The following ARHGAP42 variants were observed in gnomAD, a reference collection of about 807,000 sequenced individuals.
ARHGAP42 encodes the protein Rho GTPase activating protein 42, also known as rho GTPase-activating protein 42.
Under a neutral mutation model 125.0 loss-of-function variants are expected in ARHGAP42, and 63 were observed. The ratio of observed to expected loss-of-function variants is 0.50; its 90% CI spans 0.41 to 0.62. The LOEUF (loss-of-function observed/expected upper bound fraction) is 0.62, where lower values mean the gene tolerates loss of function less well. Ranked by LOEUF, ARHGAP42 falls within the 20% of genes least tolerant of loss-of-function variation. The probability of loss-of-function intolerance (pLI) is 0.00; values close to 1 mark genes in which losing one functional copy is unlikely to be tolerated. For missense variants in ARHGAP42, 766 were observed against 1,024.2 expected (o/e 0.75, Z 3.44); for synonymous variants, 339 against 351.0 (o/e 0.97, Z 0.38).
chr11:100,963,101 T>C (rs906074476), intron 16 of ARHGAP42, among the ~76,000 whole-genome samples: 2 of 152,212 alleles, frequency 1.3e-5, no homozygotes, highest in Admixed American at 6.5e-5. Flanking sequence ...AGCAGGACTC[T>C]AAATACGTAC....
intron 3 of ARHGAP42, among the ~76,000 whole-genome samples, chr11:100,811,657 G>A (rs12801715): frequency 2.0e-5 from 3 of 151,704 alleles, no homozygotes; most frequent in Non-Finnish European, 4.4e-5. Flanking sequence ...GCACCACCAC[G>A]CCTGGTTAAG....
intron 1 of ARHGAP42, chr11:100,688,040 T>G (rs1377629379): frequency 1.5e-5 from 7 of 456,550 alleles, no homozygotes; most frequent in East Asian, 7.3e-5. Flanking sequence ...TGGGGAAAGT[T>G]CTCTACAGGG....
chr11:100,702,681 T>C (rs1373065395), intron 1 of ARHGAP42, among the ~76,000 whole-genome samples: 1 of 151,266 alleles, frequency 6.6e-6, no homozygotes, highest in Non-Finnish European at 1.5e-5. Flanking sequence ...CTTTTTTTTT[T>C]TTTTTTTGAC....
intron 1 of ARHGAP42, among the ~76,000 whole-genome samples, chr11:100,740,102 G>C (rs1422820029): frequency 6.7e-6 from 1 of 148,652 alleles, no homozygotes; most frequent in Non-Finnish European, 1.5e-5. Flanking sequence ...ACTCACTAAA[G>C]CTTGCCTGTG....
chr11:100,696,721 A>C (rs1386895283), intron 1 of ARHGAP42, among the ~76,000 whole-genome samples: 3 of 152,082 alleles, frequency 2.0e-5, no homozygotes, highest in Non-Finnish European at 4.4e-5. Context: ...GCTGGAGTGC[A>C]GTGGCTATTC....
At chr11:100,924,402 C>T (rs556752458) in intron 6 of ARHGAP42, among the ~76,000 whole-genome samples, 1 of 152,134 alleles carries the variant, frequency 6.6e-6, no homozygotes, top group South Asian at 2.1e-4. Flanking sequence ...CACAGTGGCT[C>T]ATGCCTGTAA....
At chr11:100,945,773 T>G (rs1252179463) in intron 10 of ARHGAP42, among the ~76,000 whole-genome samples, 1 of 152,092 alleles carries the variant, frequency 6.6e-6, no homozygotes, top group African/African-American at 2.4e-5. Context: ...TTGTTCCATT[T>G]GTAGAGCACA....
chr11:100,847,666 G>A (rs963391000), intron 3 of ARHGAP42, among the ~76,000 whole-genome samples: 4 of 152,236 alleles, frequency 2.6e-5, no homozygotes, highest in East Asian at 1.9e-4. Context: ...AAGCTAAGGC[G>A]GCGGGGAGAC....
intron 11 of ARHGAP42, among the ~76,000 whole-genome samples, chr11:100,949,003 T>C (rs115956094): frequency 0.014 from 2,083 of 152,206 alleles, 48 homozygotes; most frequent in African/African-American, 0.047. Context: ...CATATCCCCA[T>C]TTTTAATAGT....
At chr11:100,748,718 G>T (rs1008921019) in intron 1 of ARHGAP42, among the ~76,000 whole-genome samples, 2 of 152,232 alleles carry the variant, frequency 1.3e-5, no homozygotes, top group Non-Finnish European at 2.9e-5. Flanking sequence ...TGGGTTACTG[G>T]GTTAAGGATT....
chr11:100,884,249 G>A (rs2135181450), intron 4 of ARHGAP42, among the ~76,000 whole-genome samples: 1 of 152,226 alleles, frequency 6.6e-6, no homozygotes, highest in African/African-American at 2.4e-5. Flanking sequence ...AGCAAAATGG[G>A]TAGCAACCAC....
At chr11:100,957,925 T>C (rs1857846735) in intron 12 of ARHGAP42, among the ~76,000 whole-genome samples, 2 of 152,240 alleles carry the variant, frequency 1.3e-5, no homozygotes, top group Admixed American at 6.6e-5. Context: ...CACTACTATC[T>C]TCATTCCTTT....
chr11:100,788,937 A>T (rs1428666719), intron 2 of ARHGAP42, among the ~76,000 whole-genome samples: 1 of 152,136 alleles, frequency 6.6e-6, no homozygotes, highest in African/African-American at 2.4e-5. Context: ...TAAACTACTG[A>T]TGTGATGGTC....
At position 100,962,442 on chromosome 11, in the gene ARHGAP42, G is replaced by T. The variant is rs185460818; in HGVS notation, c.1419G>T (p.Leu473Phe). The stretch of plus-strand genomic sequence containing the variant: ...CAGAACCACTGATGACTTACAAGTT[G>T]CACAAAGATTTTATCATTGCTGTTA... ...CLAEPLMTYK[L>F]HKDFIIAVKS... The change falls in exon 16 of 24, where the codon TTG becomes TTT. Residue 473 changes from leucine (L) to phenylalanine (F), a missense_variant. By Grantham distance (22) the Leu-to-Phe change is conservative (BLOSUM62 0). Transcript: ENST00000298815. The T allele has an allele frequency of 6.4e-7, 1 of 1,550,810 alleles. No individual in the cohort carries two copies. Among genetic ancestry groups the T allele is most frequent in the Non-Finnish European group, 8.7e-7 (1 of 1,146,414 alleles).
intron 5 of ARHGAP42, among the ~76,000 whole-genome samples, chr11:100,915,817 G>T (rs916233484): frequency 6.6e-6 from 1 of 152,038 alleles, no homozygotes. Flanking sequence ...AGCTTCCCAG[G>T]GTATATAATG....
chr11:100,698,168 G>A (rs1270662702), intron 1 of ARHGAP42, among the ~76,000 whole-genome samples: 1 of 152,134 alleles, frequency 6.6e-6, no homozygotes, highest in East Asian at 1.9e-4. Context: ...TGAGATTACA[G>A]GCATGAACCA....
intron 1 of ARHGAP42, among the ~76,000 whole-genome samples, chr11:100,699,273 G>T (rs1409984623): frequency 6.6e-6 from 1 of 151,506 alleles, no homozygotes; most frequent in Non-Finnish European, 1.5e-5. Flanking sequence ...TTTTTGTTCA[G>T]TTATAACCTC....
chr11:100,953,105 T>A (rs1857709232), intron 12 of ARHGAP42, among the ~76,000 whole-genome samples: 1 of 152,194 alleles, frequency 6.6e-6, no homozygotes, highest in South Asian at 2.1e-4. Flanking sequence ...CTAACCATTT[T>A]TTTGTACATC....
At position 100,989,240 on chromosome 11, in the gene ARHGAP42, T is replaced by A. The variant is rs1269291022; in HGVS notation, c.*439T>A. On this transcript the variant is annotated 3_prime_UTR_variant, in exon 24 of 24. Transcript: ENST00000298815. ...AATGTAATTTAAATTGTTCATTTAT[T>A]GTTTTTTTTTTCTTAGAAATATACT... is the stretch of plus-strand genomic sequence containing the variant. 2.0e-5 allele frequency: 8 copies of A among 393,570 alleles called. No homozygotes were observed. The highest frequency in any genetic ancestry group is 4.4e-5 in the Admixed American group (1 of 22,618). The allele number at this position is 393,570 out of a possible 1,614,324, so 24.4% of individuals were successfully genotyped here. A position where few individuals can be genotyped will look rare whatever the true frequency, so the allele number is the denominator to read the frequency against.
Sources: gnomAD v4.1 joint callset for allele counts (sites outside exome capture counted in the v4.1 genomes callset) on GRCh38, gnomAD v4.1.1 for gene constraint, MANE v1.5 for transcripts, NCBI Gene and HGNC (gene_info 2026-07-23, HGNC 2026-07-21) for gene names.